CA10: variants seen among roughly 807,000 people sequenced by gnomAD.
CA10 encodes the protein carbonic anhydrase-related protein 10.
Under a neutral mutation model 44.2 loss-of-function variants are expected in CA10, and 14 were observed. That is an observed-to-expected ratio of 0.32 (90% CI 0.21 to 0.50). CA10 has a LOEUF of 0.50. Among genes scored for constraint, CA10 ranks in the 20% least tolerant of loss-of-function variants. The pLI is 0.99. For missense variants in CA10, 350 were observed against 409.7 expected (o/e 0.85, Z 1.26); for synonymous variants, 159 against 141.6 (o/e 1.12, Z -0.87).
intron 2 of CA10, among the ~76,000 whole-genome samples, chr17:52,026,091 G>C (rs1347959240): frequency 6.6e-6 from 1 of 152,034 alleles, no homozygotes; most frequent in African/African-American, 2.4e-5. Context: ...ATCTGGCTGA[G>C]GTTAAGATTC....
intron 2 of CA10, among the ~76,000 whole-genome samples, chr17:51,936,074 G>T (rs203098): frequency 6.6e-6 from 1 of 151,960 alleles, no homozygotes; most frequent in East Asian, 1.9e-4. Flanking sequence ...AATTTGCTAA[G>T]TCCTATGGCA....
intron 4 of CA10, among the ~76,000 whole-genome samples, chr17:51,716,590 C>G (rs1567814674): frequency 6.6e-6 from 1 of 152,118 alleles, no homozygotes; most frequent in Non-Finnish European, 1.5e-5. Flanking sequence ...AGGGCTGCCC[C>G]TAAGGTGATG....
At chr17:51,935,267 G>A (rs151215050) in intron 2 of CA10, among the ~76,000 whole-genome samples, 4 of 152,206 alleles carry the variant, frequency 2.6e-5, no homozygotes, top group Admixed American at 2.0e-4. Context: ...TAGTTTCCAT[G>A]GCTATCCTCC....
chr17:51,899,244 A>G (rs1453582807), intron 3 of CA10, among the ~76,000 whole-genome samples: 1 of 152,128 alleles, frequency 6.6e-6, no homozygotes, highest in East Asian at 1.9e-4. Flanking sequence ...CTGGTATGGT[A>G]TATCTTTGTT....
intron 2 of CA10, among the ~76,000 whole-genome samples, chr17:51,992,068 C>T (rs921001063): frequency 7.9e-5 from 12 of 151,850 alleles, no homozygotes; most frequent in Admixed American, 2.6e-4. Context: ...TGTTGACATT[C>T]GTTATATTAT....
chr17:52,113,208 A>G (rs190650978), intron 1 of CA10, among the ~76,000 whole-genome samples: 8 of 152,362 alleles, frequency 5.3e-5, no homozygotes, highest in African/African-American at 1.9e-4. Context: ...GATGCTCAAG[A>G]TGAACAGAGG....
chr17:51,717,674 T>TATAC (rs1916173348), intron 4 of CA10, among the ~76,000 whole-genome samples: 1 of 93,576 alleles, frequency 1.1e-5, no homozygotes, highest in South Asian at 3.6e-4. Context: ...TACATGTATA[T>TATAC]ATGTATATAT....
At chr17:52,151,001 T>C (rs1202970273) in intron 1 of CA10, among the ~76,000 whole-genome samples, 4 of 152,174 alleles carry the variant, frequency 2.6e-5, no homozygotes, top group Non-Finnish European at 5.9e-5. Flanking sequence ...TCAGGATTTT[T>C]TTTAATGTGT....
chr17:51,860,459 G>A (rs564445696), intron 3 of CA10, among the ~76,000 whole-genome samples: 16 of 152,294 alleles, frequency 1.1e-4, no homozygotes, highest in Non-Finnish European at 2.2e-4. Flanking sequence ...TGATGTTTCT[G>A]AATATGGAGG....
intron 4 of CA10, among the ~76,000 whole-genome samples, chr17:51,681,746 T>C (rs1268769405): frequency 1.3e-5 from 2 of 152,174 alleles, no homozygotes; most frequent in East Asian, 3.8e-4. Context: ...TATTGTGTAG[T>C]AGTAAAATAT....
chr17:52,024,678 C>T (rs1986245609), intron 2 of CA10, among the ~76,000 whole-genome samples: 1 of 151,964 alleles, frequency 6.6e-6, no homozygotes, highest in Non-Finnish European at 1.5e-5. Context: ...CCCAGGCCTC[C>T]CTCTAAAAGC....
intron 4 of CA10, among the ~76,000 whole-genome samples, chr17:51,728,675 A>C (rs1916611205): frequency 6.6e-6 from 1 of 152,142 alleles, no homozygotes; most frequent in Non-Finnish European, 1.5e-5. Flanking sequence ...TGGTGCAGTT[A>C]GCTTTGATCA....
At chr17:51,862,021 T>A (rs1979334070) in intron 3 of CA10, among the ~76,000 whole-genome samples, 1 of 152,220 alleles carries the variant, frequency 6.6e-6, no homozygotes, top group African/African-American at 2.4e-5. Context: ...CTATTGCCAT[T>A]AATTTCTGCC....
At chr17:51,820,407 C>CTG in intron 3 of CA10, among the ~76,000 whole-genome samples, 1 of 14,624 alleles carries the variant, frequency 6.8e-5, no homozygotes, top group African/African-American at 1.7e-4. Context: ...ATTCCCCTAC[C>CTG]CCCCCCCCCC....
chr17:51,715,221 TGGG>T (rs956592225), intron 4 of CA10, among the ~76,000 whole-genome samples: 4 of 150,472 alleles, frequency 2.7e-5, no homozygotes, highest in African/African-American at 9.8e-5. Context: ...TGTTGTGGGG[TGGG>T]GGGTGGAGGG....
At chr17:51,997,816 G>C (rs916769661) in intron 2 of CA10, among the ~76,000 whole-genome samples, 2 of 152,046 alleles carry the variant, frequency 1.3e-5, no homozygotes, top group Non-Finnish European at 2.9e-5. Flanking sequence ...TAAAAGAACA[G>C]GGCAATAGTT....
intron 4 of CA10, among the ~76,000 whole-genome samples, chr17:51,665,660 C>T (rs1344401931): frequency 6.6e-6 from 1 of 152,154 alleles, no homozygotes; most frequent in Non-Finnish European, 1.5e-5. Context: ...TCCTAGGCTA[C>T]AAATCTGCAC....
intron 2 of CA10, among the ~76,000 whole-genome samples, chr17:52,013,021 T>C (rs1171580052): frequency 3.3e-5 from 5 of 152,018 alleles, no homozygotes; most frequent in African/African-American, 1.2e-4. Context: ...GTAACAAATT[T>C]TAACTTAAAT....
chr17:51,829,202 G>T (rs1163438350), intron 3 of CA10, among the ~76,000 whole-genome samples: 2 of 152,206 alleles, frequency 1.3e-5, no homozygotes, highest in Non-Finnish European at 2.9e-5. Context: ...CTTGCCTAAG[G>T]GTAACAGCTC....
Sources: gnomAD v4.1 joint callset for allele counts (sites outside exome capture counted in the v4.1 genomes callset) on GRCh38, gnomAD v4.1.1 for gene constraint, MANE v1.5 for transcripts, NCBI Gene and HGNC (gene_info 2026-07-23, HGNC 2026-07-21) for gene names.